Variants in RAI1 observed in about 807,000 individuals in gnomAD.
The protein encoded by RAI1 is retinoic acid-induced protein 1.
RAI1 carries 9 observed loss-of-function variants against 123.8 expected under a neutral mutation model. That is an observed-to-expected ratio of 0.07 (90% CI 0.04 to 0.13). The LOEUF (loss-of-function observed/expected upper bound fraction) is 0.13, where lower values mean the gene tolerates loss of function less well. RAI1 is among the 10% of genes least tolerant of loss of function. The pLI is 1.00. For missense variants in RAI1, 2,256 were observed against 2,545.8 expected, an observed-to-expected ratio of 0.89 and a Z score of 2.45; for synonymous variants, 1,231 against 1,127.3, an observed-to-expected ratio of 1.09 and a Z score of -1.84.
intron 1 of RAI1, among the ~76,000 whole-genome samples, chr17:17,717,368 A>G (rs1310509537): frequency 2.6e-5 from 4 of 152,132 alleles, no homozygotes; most frequent in Non-Finnish European, 4.4e-5. Flanking sequence ...AGAGAACCCC[A>G]GCCAGCCCAA....
At position 17,732,010 on chromosome 17, in the gene RAI1, A is replaced by G. The variant is rs74548857; in HGVS notation, c.-17+7851A>G. ...GCTGGGGGAGGTGGTGGTGGGGGGA[A>G]TAAGAATGATACCTGGAACCATCGT... is the stretch of plus-strand genomic sequence containing the variant. On this transcript the variant is annotated intron_variant, in intron 2 of 5. Coordinates refer to ENST00000353383, the MANE Select transcript of RAI1 (RefSeq NM_030665.4). Among the ~76,000 whole-genome samples, 640 of 151,918 alleles carry G rather than the reference A, an allele frequency of 4.2e-3. 5 individuals are homozygous for G. The highest frequency in any genetic ancestry group is 0.014 in the African/African-American group (595 of 41,410).
chr17:17,692,268 G>C (rs1199093546), intron 1 of RAI1, among the ~76,000 whole-genome samples: 2 of 152,228 alleles, frequency 1.3e-5, no homozygotes, highest in African/African-American at 2.4e-5. Context: ...CAGGGGTTGG[G>C]AAGGTGGGGG....
Position 17,792,944 on chromosome 17 carries a change from G to C in RAI1, c.-5G>C, listed in dbSNP as rs369143324. ...TTTTCTTTTCACAGATAACCAGCCC[G>C]AGTCATGCAGTCTTTTCGAGAAAGG... is the stretch of plus-strand genomic sequence containing the variant. On this transcript the variant is annotated 5_prime_UTR_variant, in exon 3 of 6. Coordinates refer to ENST00000353383, the MANE Select transcript of RAI1 (RefSeq NM_030665.4). The C allele has an allele frequency of 5.2e-6, 6 of 1,152,126 alleles. No individual in the cohort carries two copies. Among genetic ancestry groups the C allele is most frequent in the East Asian group, 5.3e-5 (1 of 18,930 alleles). The allele number at this position is 1,152,126 out of a possible 1,614,324, so 71.4% of individuals were successfully genotyped here.
rs571095755 is a variant in RAI1, at chr17:17,800,080, G to T, written c.5565+1567G>T. ...AGGACTCCTGCAGGTTCCTGGTGCC[G>T]CGGGCCTTGCTTACCCAGCAGATGG... On this transcript the variant is annotated intron_variant, in intron 3 of 5. Coordinates refer to ENST00000353383, the MANE Select transcript of RAI1 (RefSeq NM_030665.4). The surrounding 1 kb of genome is among the most constrained non-coding windows in gnomAD (Gnocchi z 4.7). Among the ~76,000 whole-genome samples the T allele has an allele frequency of 1.9e-4, 29 of 152,208 alleles. No individual in the cohort carries two copies. The highest frequency in any genetic ancestry group is 6.5e-4 in the African/African-American group (27 of 41,516).
rs777126800 is a variant in RAI1 at position 17,795,623 on chromosome 17, C to T, written c.2675C>T (p.Ser892Leu). 18 of 1,613,260 alleles carry T rather than the reference C, an allele frequency of 1.1e-5. No individual in the cohort carries two copies. Among genetic ancestry groups the T allele is most frequent in the Non-Finnish European group, 1.5e-5 (18 of 1,179,870 alleles). Residue 892 changes from serine to leucine, a missense_variant, in exon 3 of 6, where the codon TCA (serine) becomes TTA (leucine). By Grantham distance (145) the Ser-to-Leu change is moderately radical. Around this residue, in one of 7 missense-constraint regions of RAI1, gnomAD observed 566 missense variants for 616.0 expected, o/e 0.92. Coordinates refer to ENST00000353383, the MANE Select transcript of RAI1 (RefSeq NM_030665.4). The surrounding 1 kb of genome is among the most constrained non-coding windows in gnomAD (Gnocchi z 5.9). ...AGGCCTGGCATGCAGGACCCGCTGT[C>T]ACCCAAGGCCCCACTCATCTGCACC... ...EQRPGMQDPLSPKAPLICTKE... is the reference protein window; with the variant it reads ...EQRPGMQDPLLPKAPLICTKE...
intron 2 of RAI1, among the ~76,000 whole-genome samples, chr17:17,767,724 A>G (rs2030995691): frequency 6.6e-6 from 1 of 152,232 alleles, no homozygotes; most frequent in Admixed American, 6.5e-5. Context: ...GCCTCTCTGC[A>G]GGGAGAGACT....
chr17:17,717,973 T>C (rs751344751), intron 1 of RAI1, among the ~76,000 whole-genome samples: 3 of 152,140 alleles, frequency 2.0e-5, no homozygotes, highest in African/African-American at 4.8e-5. Flanking sequence ...TAGGGAAGGA[T>C]GGACAGACAC....
At chr17:17,744,851 T>C (rs139200746) in intron 2 of RAI1, among the ~76,000 whole-genome samples, 1,543 of 151,326 alleles carry the variant, frequency 0.01, 56 homozygotes, top group Admixed American at 0.068. Flanking sequence ...TCAGAGTTCC[T>C]GTCTAGGCTT....
intron 1 of RAI1, among the ~76,000 whole-genome samples, chr17:17,709,403 A>C (rs537050215): frequency 2.4e-4 from 36 of 151,890 alleles, no homozygotes; most frequent in African/African-American, 8.7e-4. Flanking sequence ...CTGGCCCCCA[A>C]ATACTCCTAC....
chr17:17,685,539 G>C lies in RAI1; in HGVS notation c.-149+3746G>C, dbSNP rs1272585112. ...TTGGAAGCTGGAAGGGATGTGGCCT[G>C]TGTGCTGTAGCCAAACAAGAGGGGA... On this transcript the variant is annotated intron_variant, in intron 1 of 5. Coordinates refer to ENST00000353383, the MANE Select transcript of RAI1 (RefSeq NM_030665.4). The surrounding 1 kb of genome is among the most constrained non-coding windows in gnomAD (Gnocchi z 4.0). Among the ~76,000 whole-genome samples the C allele has an allele frequency of 6.6e-6, 1 of 152,230 alleles. No individual in the cohort carries two copies. The highest frequency in any genetic ancestry group is 2.4e-5 in the African/African-American group (1 of 41,446).
At chr17:17,715,721 G>GC (rs1255356041) in intron 1 of RAI1, among the ~76,000 whole-genome samples, 2 of 152,044 alleles carry the variant, frequency 1.3e-5, no homozygotes, top group African/African-American at 2.4e-5. Context: ...AGATTCAGAT[G>GC]CCCCCCGGAA....
chr17:17,742,964 T>C (rs911649855), intron 2 of RAI1, among the ~76,000 whole-genome samples: 1 of 152,198 alleles, frequency 6.6e-6, no homozygotes, highest in Non-Finnish European at 1.5e-5. Context: ...ACATTTTTGC[T>C]ATTACAACTC....
intron 2 of RAI1, chr17:17,778,874 A>C (rs1292325222): frequency 2.0e-5 from 9 of 456,684 alleles, no homozygotes; most frequent in South Asian, 1.4e-4. Flanking sequence ...AGAGGGAGGG[A>C]GTTCTGGAAT....
At chr17:17,783,527 A>C (rs937043959) in intron 2 of RAI1, among the ~76,000 whole-genome samples, 1 of 152,134 alleles carries the variant, frequency 6.6e-6, no homozygotes, top group Non-Finnish European at 1.5e-5. Context: ...CGGCTGAAAC[A>C]TCTGTTGCAG....
At position 17,794,672 on chromosome 17, in the gene RAI1, T is replaced by G. The variant is rs1246706675; in HGVS notation, c.1724T>G (p.Leu575Arg). 3 of 1,612,804 alleles carry G rather than the reference T, an allele frequency of 1.9e-6. No homozygotes were observed. The African/African-American group carries it at 4.0e-5, about 22-fold the overall frequency. The change falls in exon 3 of 6, where the codon CTA (leucine) becomes CGA (arginine). Residue 575 changes from leucine (L) to arginine (R), a missense_variant. This residue lies in a region of RAI1 where 357 missense variants were observed against 480.2 expected (regional missense o/e 0.74). Transcript: ENST00000353383. Reference sequence around the variant, plus strand: ...AAATCTGACGACTCCTTCCAGAGCCTACACGGCAGTCTGCCGCTCGACAGC... The same window carrying G: ...AAATCTGACGACTCCTTCCAGAGCCGACACGGCAGTCTGCCGCTCGACAGC... ...STKSDDSFQS[L>R]HGSLPLDSFS...
At chr17:17,697,840 C>T (rs938353190) in intron 1 of RAI1, among the ~76,000 whole-genome samples, 2 of 152,198 alleles carry the variant, frequency 1.3e-5, no homozygotes, top group Non-Finnish European at 2.9e-5. Flanking sequence ...CACAGCAGGT[C>T]ACACGTTCTT....
intron 1 of RAI1, among the ~76,000 whole-genome samples, chr17:17,715,923 G>A (rs1915700051): frequency 6.6e-6 from 1 of 152,210 alleles, no homozygotes; most frequent in African/African-American, 2.4e-5. Flanking sequence ...GTCAGGAGTG[G>A]AGGAGTGCTG....
intron 1 of RAI1, among the ~76,000 whole-genome samples, chr17:17,708,690 C>A (rs1440084183): frequency 6.6e-6 from 1 of 152,140 alleles, no homozygotes; most frequent in Non-Finnish European, 1.5e-5. Flanking sequence ...TGACTCCTGG[C>A]AGCTCACTCT....
chr17:17,795,284 T>G lies in RAI1; in HGVS notation c.2336T>G (p.Ile779Ser). The change falls in exon 3 of 6, where the codon ATC (isoleucine) becomes AGC (serine). Residue 779 changes from isoleucine to serine, a missense_variant. Transcript: ENST00000353383. This position sits in a 1 kb window ranked among gnomAD's most constrained non-coding sequence, Gnocchi z 5.9. ...LEQGGKASDGISKGDTHEASA... is the reference protein window; with the variant it reads ...LEQGGKASDGSSKGDTHEASA... ...CAGGGTGGGAAGGCCTCAGATGGCA[T>G]CAGCAAAGGGGACACCCATGAGGCT... is the stretch of plus-strand genomic sequence containing the variant. 1 of 1,613,416 alleles carries G rather than the reference T, an allele frequency of 6.2e-7. No individual in the cohort carries two copies. Among genetic ancestry groups the G allele is most frequent in the Non-Finnish European group, 8.5e-7 (1 of 1,179,600 alleles).
Sources: gnomAD v4.1 joint callset for allele counts (sites outside exome capture counted in the v4.1 genomes callset) on GRCh38, gnomAD v4.1.1 for gene constraint, gnomAD v4.1.1 regional missense constraint, Gnocchi (gnomAD v3.1) non-coding constraint, MANE v1.5 for transcripts, NCBI Gene and HGNC (gene_info 2026-07-23, HGNC 2026-07-21) for gene names.